The following MEIS2 variants were observed in gnomAD, a reference collection of about 807,000 sequenced individuals.
The protein encoded by MEIS2 is homeobox protein Meis2.
A neutral mutation model predicts 58.6 loss-of-function variants in MEIS2; 9 were observed. The ratio of observed to expected loss-of-function variants is 0.15; its 90% CI spans 0.09 to 0.27. The LOEUF (loss-of-function observed/expected upper bound fraction) is 0.27, where lower values mean the gene tolerates loss of function less well. Among genes scored for constraint, MEIS2 ranks in the 10% least tolerant of loss-of-function variants. The pLI is 1.00. For synonymous variants in MEIS2, 221 were observed against 228.4 expected, an observed-to-expected ratio of 0.97 and a Z score of 0.29; for missense variants, 427 against 635.0, an observed-to-expected ratio of 0.67 and a Z score of 3.52.
At chr15:37,099,340 C>T in intron 1 of MEIS2, 115 bp downstream of exon 1, 1 of 1,562,708 alleles carries the variant, frequency 6.4e-7, no homozygotes, top group Non-Finnish European at 8.7e-7. Context: ...AAATACTGGC[C>T]GCCATCATCA....
intron 8 of MEIS2, among the ~76,000 whole-genome samples, chr15:37,022,711 C>T (rs2061565583): frequency 6.6e-6 from 1 of 152,168 alleles, no homozygotes; most frequent in Admixed American, 6.5e-5. Flanking sequence ...GCAAGCTCAG[C>T]TCACTGCAAC....
At chr15:36,968,073 G>C (rs940701060) in intron 8 of MEIS2, among the ~76,000 whole-genome samples, 1 of 152,196 alleles carries the variant, frequency 6.6e-6, no homozygotes, top group Non-Finnish European at 1.5e-5. Flanking sequence ...TCAGAGAATA[G>C]CCTGAACTCA....
chr15:37,088,741 T>A (rs1893184640), intron 6 of MEIS2, among the ~76,000 whole-genome samples: 1 of 152,158 alleles, frequency 6.6e-6, no homozygotes, highest in African/African-American at 2.4e-5. Context: ...GCAAGCACCC[T>A]TTGCAAATGA....
chr15:37,087,671 G>C (rs1335091564), intron 6 of MEIS2, among the ~76,000 whole-genome samples: 1 of 152,176 alleles, frequency 6.6e-6, no homozygotes, highest in Non-Finnish European at 1.5e-5. Context: ...GAGGACAGGA[G>C]TCTCTGGGCA....
intron 7 of MEIS2, among the ~76,000 whole-genome samples, chr15:37,065,622 C>A (rs1596054696): frequency 6.6e-6 from 1 of 152,234 alleles, no homozygotes; most frequent in South Asian, 2.1e-4. Context: ...AAAAAGAAAT[C>A]AACTTGGCTT....
At chr15:37,016,345 TA>T (rs1486719584) in intron 8 of MEIS2, among the ~76,000 whole-genome samples, 1 of 140,262 alleles carries the variant, frequency 7.1e-6, no homozygotes, top group Non-Finnish European at 1.6e-5. Context: ...TTTTTTTTTT[TA>T]ACTCTACATT....
At chr15:37,085,674 A>T (rs1448921223) in intron 6 of MEIS2, among the ~76,000 whole-genome samples, 1 of 152,198 alleles carries the variant, frequency 6.6e-6, no homozygotes, top group Non-Finnish European at 1.5e-5. Flanking sequence ...CAAATATGGC[A>T]CAGGTATAGA....
intron 9 of MEIS2, among the ~76,000 whole-genome samples, chr15:36,903,274 T>C (rs1255453250): frequency 6.6e-6 from 1 of 152,206 alleles, no homozygotes; most frequent in Non-Finnish European, 1.5e-5. Flanking sequence ...TAGCTATTTA[T>C]CATGCACTAT....
chr15:37,029,718 T>C (rs2061839764), intron 8 of MEIS2, among the ~76,000 whole-genome samples: 1 of 152,198 alleles, frequency 6.6e-6, no homozygotes, highest in African/African-American at 2.4e-5. Flanking sequence ...ACAAATTGAC[T>C]GCATCATTTG....
chr15:37,047,830 G>C (rs993145502), intron 7 of MEIS2, among the ~76,000 whole-genome samples: 3 of 152,198 alleles, frequency 2.0e-5, no homozygotes, highest in Non-Finnish European at 2.9e-5. Context: ...ACCTTTGCTA[G>C]AGGAAAACAT....
At chr15:37,036,687 G>A in intron 8 of MEIS2, 127 bp downstream of exon 8, 1 of 1,064,680 alleles carries the variant, frequency 9.4e-7, no homozygotes, top group Admixed American at 3.0e-5. Context: ...TAACTAGTCT[G>A]TTAGTCATCA....
At chr15:37,010,486 G>T (rs2061106763) in intron 8 of MEIS2, among the ~76,000 whole-genome samples, 1 of 152,120 alleles carries the variant, frequency 6.6e-6, no homozygotes, top group African/African-American at 2.4e-5. Context: ...GGGCTCAAGA[G>T]ATCCTCACCC....
At chr15:36,933,024 G>A (rs1436804079) in intron 9 of MEIS2, among the ~76,000 whole-genome samples, 1 of 152,072 alleles carries the variant, frequency 6.6e-6, no homozygotes, top group African/African-American at 2.4e-5. Flanking sequence ...TGAAACACAC[G>A]CTATGTTTGG....
chr15:37,074,861 T>C (rs1231747784), intron 7 of MEIS2, among the ~76,000 whole-genome samples: 2 of 152,040 alleles, frequency 1.3e-5, no homozygotes, highest in South Asian at 2.1e-4. Context: ...TCTCGACTCA[T>C]AGTTCAAGAT....
chr15:36,976,442 T>G (rs1350048239), intron 8 of MEIS2, among the ~76,000 whole-genome samples: 1 of 150,482 alleles, frequency 6.6e-6, no homozygotes, highest in Non-Finnish European at 1.5e-5. Flanking sequence ...AAGAGTGGCT[T>G]CTTCTGGGCA....
intron 8 of MEIS2, among the ~76,000 whole-genome samples, chr15:36,997,026 A>AAGTT (rs1204840745): frequency 2.0e-5 from 3 of 152,342 alleles, no homozygotes; most frequent in South Asian, 4.1e-4. Flanking sequence ...GTGAATTCAA[A>AAGTT]CAGCCTCTGA....
At chr15:36,936,167 C>A (rs2058161888) in intron 9 of MEIS2, among the ~76,000 whole-genome samples, 1 of 151,442 alleles carries the variant, frequency 6.6e-6, no homozygotes, top group Non-Finnish European at 1.5e-5. Context: ...ACAGTTTCTG[C>A]CTGCAAGGAG....
chr15:37,049,726 A>G (rs990150870), intron 7 of MEIS2, among the ~76,000 whole-genome samples: 10 of 151,164 alleles, frequency 6.6e-5, no homozygotes, highest in Non-Finnish European at 1.2e-4. Context: ...GAGCTCAGGC[A>G]ATTCATGCAC....
At chr15:37,083,410 C>T (rs999527272) in intron 7 of MEIS2, among the ~76,000 whole-genome samples, 2 of 152,168 alleles carry the variant, frequency 1.3e-5, no homozygotes, top group Admixed American at 6.5e-5. Context: ...GTTGATATTA[C>T]AGGCAAAATA....
Sources: gnomAD v4.1 joint callset for allele counts (sites outside exome capture counted in the v4.1 genomes callset) on GRCh38, gnomAD v4.1.1 for gene constraint, MANE v1.5 for transcripts, NCBI Gene and HGNC (gene_info 2026-07-23, HGNC 2026-07-21) for gene names.